The following NF1 variants were observed in gnomAD, a reference collection of about 807,000 sequenced individuals.
NF1 encodes the protein neurofibromin 1.
Under a neutral mutation model 325.7 loss-of-function variants are expected in NF1, and 122 were observed. The ratio of observed to expected loss-of-function variants is 0.37; its 90% CI spans 0.32 to 0.44. The LOEUF (loss-of-function observed/expected upper bound fraction) is 0.44. Ranked by LOEUF, NF1 falls within the 20% of genes least tolerant of loss-of-function variation. NF1 has a pLI of 1.00. For missense variants in NF1, 2,140 were observed against 3,415.4 expected, an observed-to-expected ratio of 0.63 and a Z score of 9.31; for synonymous variants, 1,091 against 1,186.0, an observed-to-expected ratio of 0.92 and a Z score of 1.65.
chr17:31,157,796 A>T (rs2065690491), intron 2 of NF1, among the ~76,000 whole-genome samples: 1 of 12,510 alleles, frequency 8.0e-5, no homozygotes, highest in Admixed American at 4.9e-4. Flanking sequence ...CGTCTCTACT[A>T]AAAAAAAAAA....
chr17:31,152,681 A>G (rs979807252), intron 1 of NF1, among the ~76,000 whole-genome samples: 35 of 148,878 alleles, frequency 2.4e-4, no homozygotes, highest in African/African-American at 8.2e-4. Flanking sequence ...ACTTATTTCT[A>G]TCTGTAATTC....
In NF1 at chr17:31,357,073, C is replaced by T. The variant is rs1175965670; in HGVS notation, c.7852C>T (p.Leu2618=). ...EVLTDPKIQA[L]LLTVLATLVK... is the part of the protein sequence containing the mutation. The stretch of plus-strand genomic sequence containing the variant: ...ACTTACTGATCCGAAGATCCAGGCG[C>T]TGCTTCTTACTGTTCTAGTAAGGAT... Residue 2618 remains leucine, a synonymous_variant, in exon 53 of 58, where the codon CTG becomes TTG. Transcript: ENST00000358273. The T allele has an allele frequency of 4.3e-6, 7 of 1,613,482 alleles. No homozygotes were observed. Among genetic ancestry groups the T allele is most frequent in the South Asian group, 3.3e-5 (3 of 91,082 alleles).
intron 36 of NF1, among the ~76,000 whole-genome samples, chr17:31,277,260 A>C (rs958801132): frequency 6.6e-6 from 1 of 152,096 alleles, no homozygotes; most frequent in African/African-American, 2.4e-5. Context: ...ATGTTGTTTA[A>C]GGGTCAACTG....
intron 36 of NF1, among the ~76,000 whole-genome samples, chr17:31,316,684 C>T (rs1271365611): frequency 6.6e-6 from 1 of 152,086 alleles, no homozygotes; most frequent in Non-Finnish European, 1.5e-5. Context: ...TATTTTTCCC[C>T]TCAAAAGATA....
intron 36 of NF1, among the ~76,000 whole-genome samples, chr17:31,319,494 A>AT (rs898294080): frequency 2.6e-5 from 4 of 152,010 alleles, no homozygotes; most frequent in African/African-American, 7.2e-5. Context: ...ATAAATGCAA[A>AT]TTTTTTTGGT....
chr17:31,225,944 A>G (rs924488499), intron 17 of NF1, among the ~76,000 whole-genome samples: 1 of 152,190 alleles, frequency 6.6e-6, no homozygotes, highest in African/African-American at 2.4e-5. Context: ...TGTATCTTCT[A>G]CAGCAATATT....
intron 57 of NF1, among the ~76,000 whole-genome samples, chr17:31,365,446 T>C (rs941405287): frequency 6.6e-5 from 10 of 152,194 alleles, no homozygotes; most frequent in Non-Finnish European, 1.5e-4. Flanking sequence ...TGTAGGTGTA[T>C]GTTAAGTATG....
intron 5 of NF1, among the ~76,000 whole-genome samples, chr17:31,171,945 T>G (rs1281375395): frequency 6.6e-6 from 1 of 152,158 alleles, no homozygotes; most frequent in African/African-American, 2.4e-5. Flanking sequence ...AGAAAAAAAC[T>G]ATGATAAACT....
chr17:31,328,935 A>G lies in NF1; in HGVS notation c.5609+1096A>G, dbSNP rs532947334. Among the ~76,000 whole-genome samples the G allele has an allele frequency of 3.9e-5, 6 of 152,262 alleles. No homozygotes were observed. The East Asian group carries it at 7.7e-4, about 20-fold the overall frequency. ...ACCTGTCCTGGGTTGAGGAAGTCCA[A>G]TTCTTTATAAGTGTTGAAATACACA... On this transcript the variant is annotated intron_variant, in intron 38 of 57. Transcript: ENST00000358273.
At chr17:31,164,298 CAA>C (rs954402108) in intron 4 of NF1, among the ~76,000 whole-genome samples, 4 of 152,130 alleles carry the variant, frequency 2.6e-5, no homozygotes, top group African/African-American at 9.7e-5. Context: ...ATTGATGACT[CAA>C]AATCATCCTG....
At chr17:31,171,655 GTA>G (rs1233312754) in intron 5 of NF1, among the ~76,000 whole-genome samples, 1 of 152,158 alleles carries the variant, frequency 6.6e-6, no homozygotes, top group Non-Finnish European at 1.5e-5. Context: ...TAAATTTAGA[GTA>G]TATGCTGATA....
In NF1 at chr17:31,179,675, C is replaced by T. The variant is rs147616494; in HGVS notation, c.587-1747C>T. ...GCAGGCACCTGTAGTCCCAGCTACT[C>T]GGGAGCCTGAGGCAGGAGAATGGCG... On this transcript the variant is annotated intron_variant, in intron 5 of 57. Coordinates refer to ENST00000358273, the MANE Select transcript of NF1 (RefSeq NM_001042492.3). Among the ~76,000 whole-genome samples, 156 of 152,024 alleles carry T rather than the reference C, an allele frequency of 1.0e-3. 1 individual carries two copies. In the East Asian group the frequency reaches 0.025, roughly 24 times the overall value.
intron 51 of NF1, among the ~76,000 whole-genome samples, chr17:31,352,620 G>GT (rs1406585661): frequency 1.3e-5 from 2 of 152,084 alleles, no homozygotes; most frequent in Non-Finnish European, 1.5e-5. Context: ...CCTTGAAACA[G>GT]TTTTTTCTGA....
intron 1 of NF1, 23 bp from the exon 2 acceptor site, chr17:31,155,960 T>G (rs753899522): frequency 4.6e-5 from 71 of 1,551,928 alleles, no homozygotes; most frequent in Admixed American, 1.2e-4. Flanking sequence ...TGTTAACGTG[T>G]TTTTTTTTTC....
At chr17:31,109,955 G>A (rs955257941) in intron 1 of NF1, among the ~76,000 whole-genome samples, 1 of 152,116 alleles carries the variant, frequency 6.6e-6, no homozygotes, top group African/African-American at 2.4e-5. Context: ...ACTGAGCTGT[G>A]GGGGAGGGGA....
intron 14 of NF1, 52 bp downstream of exon 14, chr17:31,219,170 C>T: frequency 6.4e-7 from 1 of 1,557,916 alleles, no homozygotes; most frequent in East Asian, 2.3e-5. Context: ...TAACTATGTA[C>T]ATTCATGATG....
intron 5 of NF1, among the ~76,000 whole-genome samples, chr17:31,176,328 C>G (rs559337560): frequency 6.6e-6 from 1 of 152,244 alleles, no homozygotes; most frequent in Non-Finnish European, 1.5e-5. Flanking sequence ...AGTGTCTGTT[C>G]ATATCCTTCA....
chr17:31,276,902 A>G (rs1412872407), intron 36 of NF1, among the ~76,000 whole-genome samples: 3 of 150,108 alleles, frequency 2.0e-5, no homozygotes, highest in African/African-American at 4.9e-5. Context: ...TGGAAAATCT[A>G]CGTATAACTT....
intron 36 of NF1, among the ~76,000 whole-genome samples, chr17:31,275,446 T>G (rs1436890387): frequency 6.6e-6 from 1 of 152,238 alleles, no homozygotes; most frequent in Non-Finnish European, 1.5e-5. Context: ...AGATGCCATG[T>G]GCATGTGCTT....
Sources: allele counts gnomAD v4.1 joint callset (sites outside exome capture counted in the v4.1 genomes callset), GRCh38; gene constraint gnomAD v4.1.1; transcripts MANE v1.5; gene names NCBI Gene and HGNC (gene_info 2026-07-23, HGNC 2026-07-21).